Variants in SMC6 observed in about 807,000 individuals in gnomAD.
SMC6 encodes structural maintenance of chromosomes 6.
SMC6 carries 79 observed loss-of-function variants against 142.2 expected under a neutral mutation model. The observed-to-expected ratio is 0.56, with a 90% confidence interval of 0.46 to 0.67. The LOEUF is 0.67. SMC6 is among the 30% of genes least tolerant of loss of function. The pLI, the probability that SMC6 is intolerant of heterozygous loss-of-function variation, is 0.00. For missense variants in SMC6, 1,072 were observed against 1,284.0 expected (o/e 0.83, Z 2.52); for synonymous variants, 411 against 412.4 (o/e 1.00, Z 0.04).
At chr2:17,740,380 G>A (rs1670380082) in intron 4 of SMC6, among the ~76,000 whole-genome samples, 2 of 152,146 alleles carry the variant, frequency 1.3e-5, no homozygotes, top group Non-Finnish European at 2.9e-5. Context: ...GGTAGACTCT[G>A]GCAAGCCTCC....
At chr2:17,671,477 C>T (rs1327131502) in intron 25 of SMC6, among the ~76,000 whole-genome samples, 4 of 151,378 alleles carry the variant, frequency 2.6e-5, no homozygotes, top group Non-Finnish European at 2.9e-5. Flanking sequence ...GCCATGGTGG[C>T]ATACTCCTGT....
At chr2:17,693,997 T>A (rs1667865651) in intron 23 of SMC6, among the ~76,000 whole-genome samples, 3 of 74,158 alleles carry the variant, frequency 4.0e-5, no homozygotes, top group East Asian at 4.0e-4. Context: ...CAAAACTCCA[T>A]CTCAAAAAAA....
At chr2:17,692,038 G>A (rs970686233) in intron 23 of SMC6, among the ~76,000 whole-genome samples, 2 of 152,152 alleles carry the variant, frequency 1.3e-5, no homozygotes, top group Non-Finnish European at 2.9e-5. Flanking sequence ...ACAAACCACT[G>A]CTCAATGAAA....
At chr2:17,735,257 A>G (rs528048477) in intron 5 of SMC6, among the ~76,000 whole-genome samples, 7 of 152,310 alleles carry the variant, frequency 4.6e-5, no homozygotes, top group African/African-American at 1.7e-4. Context: ...GAGTGAAAAG[A>G]GAGACTATCT....
chr2:17,694,366 G>A (rs902001365), intron 23 of SMC6, among the ~76,000 whole-genome samples: 6 of 152,304 alleles, frequency 3.9e-5, no homozygotes, highest in African/African-American at 7.2e-5. Context: ...ATAAATGTTC[G>A]AGGTGATGAA....
Position 17,665,442 on chromosome 2 carries a change from ATTT to A in SMC6, c.*54_*56del. On this transcript the variant is annotated 3_prime_UTR_variant, in exon 28 of 28. Transcript: ENST00000448223. ...ATTTTATTATATCAAAGAGTCCAGA[ATTT>A]TTTTTCCCTTCACAAATCCTTCAAC... 1 of 1,222,886 alleles carries A rather than the reference ATTT, an allele frequency of 8.2e-7. No individual in the cohort carries two copies. Among genetic ancestry groups the A allele is most frequent in the Non-Finnish European group, 1.1e-6 (1 of 870,510 alleles). The allele number at this position is 1,222,886 out of a possible 1,614,324, so 75.8% of individuals were successfully genotyped here.
rs1160582588 is a variant in SMC6 at position 17,753,801 on chromosome 2, G to A, written c.-268C>T. On this transcript the variant is annotated 5_prime_UTR_variant, in exon 1 of 28. Transcript: ENST00000448223. ...TCCCGGGAGCCCCGGCGCCCACCGC[G>A]GTACTAACCGCGCCTGCGCCCCGCC... 4 of 152,200 alleles carry A rather than the reference G, an allele frequency of 2.6e-5. No homozygotes were observed. The highest frequency in any genetic ancestry group is 5.9e-5 in the Non-Finnish European group (4 of 68,058). 9.4% of individuals were successfully genotyped at this position (152,200 alleles called of 1,614,324 possible). A position where few individuals can be genotyped will look rare whatever the true frequency, so the allele number is the denominator to read the frequency against.
chr2:17,735,273 A>AT (rs34046612), intron 5 of SMC6, among the ~76,000 whole-genome samples: 1 of 152,084 alleles, frequency 6.6e-6, no homozygotes, highest in African/African-American at 2.4e-5. Flanking sequence ...TATCTATGAG[A>AT]TTTTTTTCAG....
At chr2:17,683,490 G>T in intron 24 of SMC6, 148 bp downstream of exon 24, 2 of 729,880 alleles carry the variant, frequency 2.7e-6, no homozygotes, top group Non-Finnish European at 4.2e-6. Context: ...TTCAGATTCG[G>T]AATTGTCTGA....
Position 17,665,532 on chromosome 2 carries a change from A to C in SMC6, c.3243T>G (p.Pro1081=), listed in dbSNP as rs1171394773. Residue 1081 remains proline, a synonymous_variant, in exon 28 of 28, where the codon CCT becomes CCG. Coordinates refer to ENST00000448223, the MANE Select transcript of SMC6 (RefSeq NM_001142286.2). ...GGTCATCATCTTCTTCTTGAGTCAC[A>C]GGTCTGAAAGGCAATGTAGTTTGTC... ...ERGQTTLPFR[P]VTQEEDDDQR 6.2e-7 allele frequency: 1 copy of C among 1,609,890 alleles called. No homozygotes were observed. The highest frequency in any genetic ancestry group is 1.1e-5 in the South Asian group (1 of 90,494).
At chr2:17,730,217 A>G (rs1310353417) in intron 7 of SMC6, among the ~76,000 whole-genome samples, 2 of 152,186 alleles carry the variant, frequency 1.3e-5, no homozygotes, top group Non-Finnish European at 2.9e-5. Context: ...TCTTGTGTAA[A>G]TGTTTATAGA....
At chr2:17,692,967 A>C (rs1008709942) in intron 23 of SMC6, among the ~76,000 whole-genome samples, 4 of 152,246 alleles carry the variant, frequency 2.6e-5, no homozygotes, top group African/African-American at 9.6e-5. Context: ...GCTCATCATC[A>C]CTGGCCATCA....
chr2:17,745,574 C>T (rs1670705746), intron 3 of SMC6, among the ~76,000 whole-genome samples: 1 of 152,088 alleles, frequency 6.6e-6, no homozygotes, highest in Non-Finnish European at 1.5e-5. Flanking sequence ...TGTGTCTTTT[C>T]TCTTTTTGCA....
Position 17,720,768 on chromosome 2 carries a change from TCAC to T in SMC6, c.945+169_945+171del, listed in dbSNP as rs558310840. Among the ~76,000 whole-genome samples the T allele has an allele frequency of 2.8e-3, 429 of 152,216 alleles. 1 individual carries two copies. The highest frequency in any genetic ancestry group is 6.4e-3 in the Admixed American group (98 of 15,276). ...ATAGAGTACTCTTTTCAAAAGAGAG[TCAC>T]CACAACAGGCCTTGAAAACAAGCTT... is the stretch of plus-strand genomic sequence containing the variant. On this transcript the variant is annotated intron_variant, in intron 11 of 27. Transcript: ENST00000448223.
At chr2:17,740,819 C>A in intron 4 of SMC6, 1 of 315,032 alleles carries the variant, frequency 3.2e-6, no homozygotes, top group Non-Finnish European at 6.3e-6. Flanking sequence ...CACTGCACTC[C>A]AACCTGGGCG....
intron 19 of SMC6, 31 bp from the exon 20 acceptor site, chr2:17,701,940 A>G (rs368764519): frequency 4.0e-6 from 5 of 1,247,816 alleles, no homozygotes; most frequent in African/African-American, 1.5e-5. Context: ...TTTTAGTAAC[A>G]TAAAAAAAAA....
At chr2:17,685,780 G>C (rs1667428458) in intron 23 of SMC6, among the ~76,000 whole-genome samples, 1 of 151,856 alleles carries the variant, frequency 6.6e-6, no homozygotes, top group African/African-American at 2.4e-5. Context: ...ATCAAAGAAT[G>C]ACAAATTGAA....
At chr2:17,742,769 G>A (rs201436663) in intron 3 of SMC6, among the ~76,000 whole-genome samples, 19 of 152,084 alleles carry the variant, frequency 1.2e-4, no homozygotes, top group East Asian at 5.8e-4. Context: ...ACAGATTCAC[G>A]TGCAATCCTT....
chr2:17,698,248 A>G (rs148843942), intron 21 of SMC6, among the ~76,000 whole-genome samples: 2 of 152,158 alleles, frequency 1.3e-5, no homozygotes, highest in African/African-American at 4.8e-5. Flanking sequence ...AAATCATTGA[A>G]TTATACACTT....
Sources: allele counts gnomAD v4.1 joint callset (sites outside exome capture counted in the v4.1 genomes callset), GRCh38; gene constraint gnomAD v4.1.1; transcripts MANE v1.5; gene names NCBI Gene and HGNC (gene_info 2026-07-23, HGNC 2026-07-21).